PVALEF: variants seen among roughly 807,000 people sequenced by gnomAD.
PVALEF encodes parvalbumin like EF-hand containing, also known as parvalbumin-like EF-hand-containing protein.
In PVALEF, 2 loss-of-function variants were observed where a neutral mutation model predicts 1.2. The ratio of observed to expected loss-of-function variants is 1.68; its 90% CI spans 0.69 to 5.28. PVALEF has a LOEUF of 5.28. PVALEF is among the 30% of genes most tolerant of loss of function. The pLI is 0.06. For missense variants in PVALEF, 35 were observed against 17.7 expected (o/e 1.97, Z -1.75); for synonymous variants, 16 against 6.5 (o/e 2.47, Z -2.24).
At chr17:81,176,088 CA>C (rs1178468161) in intron 2 of PVALEF, among the ~76,000 whole-genome samples, 1 of 152,058 alleles carries the variant, frequency 6.6e-6, no homozygotes, top group African/African-American at 2.4e-5. Context: ...AACTTAATCA[CA>C]AATAAACAAA....
At position 81,177,342 on chromosome 17, in the gene PVALEF, G is replaced by A. The variant is rs1025748198; in HGVS notation, c.-339-1576G>A. 2.0e-5 allele frequency among the ~76,000 whole-genome samples: 3 copies of A among 150,734 alleles called. No homozygotes were observed. The South Asian group carries it at 6.3e-4, about 32-fold the overall frequency. ...GCAGGCAGATCACCTGAGGTCAGGA[G>A]TTCAAGACCAGCCTAGTCACCATGG... is the stretch of plus-strand genomic sequence containing the variant. On this transcript the variant is annotated intron_variant, in intron 2 of 6. Coordinates refer to ENST00000637878, the MANE Select transcript of PVALEF (RefSeq NM_001354639.2).
At chr17:81,167,102 G>A (rs1396310276) in intron 2 of PVALEF, among the ~76,000 whole-genome samples, 2 of 152,232 alleles carry the variant, frequency 1.3e-5, no homozygotes, top group Non-Finnish European at 2.9e-5. Context: ...AGACCAGCCT[G>A]GGCAACATAG....
chr17:81,177,248 A>G (rs796761654), intron 2 of PVALEF, among the ~76,000 whole-genome samples: 2 of 149,010 alleles, frequency 1.3e-5, no homozygotes, highest in African/African-American at 4.9e-5. Flanking sequence ...CTCAAAAAAA[A>G]AAAAAAAAAA....
intron 2 of PVALEF, among the ~76,000 whole-genome samples, chr17:81,168,318 C>T (rs1187897035): frequency 1.3e-5 from 2 of 152,194 alleles, no homozygotes; most frequent in African/African-American, 4.8e-5. Context: ...GGCTGGGCCA[C>T]AGCTCAGGGG....
intron 1 of PVALEF, chr17:81,166,113 C>T: frequency 2.1e-6 from 1 of 469,422 alleles, no homozygotes; most frequent in African/African-American, 2.2e-5. Flanking sequence ...CCGGCCCCCG[C>T]GCCCCGCGCC....
chr17:81,171,257 C>T (rs942654925), intron 2 of PVALEF, among the ~76,000 whole-genome samples: 4 of 152,266 alleles, frequency 2.6e-5, no homozygotes, highest in African/African-American at 4.8e-5. Context: ...CCGAAAGGGC[C>T]GCCCAGGGGA....
At chr17:81,166,474 C>T (rs2061492754) in intron 1 of PVALEF, among the ~76,000 whole-genome samples, 1 of 83,592 alleles carries the variant, frequency 1.2e-5, no homozygotes, top group African/African-American at 4.8e-5. Flanking sequence ...AGCACGGCGG[C>T]CTGGGGCTGA....
chr17:81,169,232 G>A (rs2061509576), intron 2 of PVALEF, among the ~76,000 whole-genome samples: 1 of 152,202 alleles, frequency 6.6e-6, no homozygotes, highest in South Asian at 2.1e-4. Context: ...TGGTGAAGAT[G>A]CTAAAACACT....
In PVALEF at chr17:81,165,997, GGGCCAGC is replaced by G. The variant is rs1437862906; in HGVS notation, c.-508+255_-508+261del. 5 of 1,566,276 alleles carry G rather than the reference GGGCCAGC, an allele frequency of 3.2e-6. No homozygotes were observed. The African/African-American group carries it at 7.0e-5, about 22-fold the overall frequency. On this transcript the variant is annotated intron_variant, in intron 1 of 6. Transcript: ENST00000637878. ...GTTGAAGAAGGACGACGACATGGCCGGGCCAGCGGCCGGCGGGCATCCCGGGAGGGCG... is the reference window on the plus strand; with the variant it reads ...GTTGAAGAAGGACGACGACATGGCCGGGCCGGCGGGCATCCCGGGAGGGCG...
intron 2 of PVALEF, among the ~76,000 whole-genome samples, chr17:81,176,294 G>A (rs1363830552): frequency 5.3e-5 from 8 of 152,118 alleles, no homozygotes; most frequent in South Asian, 2.1e-4. Context: ...CAAACTGGGC[G>A]GATCACCTGA....
intron 2 of PVALEF, among the ~76,000 whole-genome samples, chr17:81,171,841 G>A (rs1002270696): frequency 6.6e-6 from 1 of 152,060 alleles, no homozygotes; most frequent in Non-Finnish European, 1.5e-5. Context: ...AAATGAATCG[G>A]CTTGAAGTGA....
chr17:81,182,604 T>G (rs933496790), intron 6 of PVALEF, among the ~76,000 whole-genome samples: 6 of 152,186 alleles, frequency 3.9e-5, no homozygotes, highest in African/African-American at 1.4e-4. Flanking sequence ...GCCCCCCAGC[T>G]GCTCCGTGCC....
chr17:81,180,223 G>A (rs1381926152), intron 3 of PVALEF, among the ~76,000 whole-genome samples: 1 of 152,200 alleles, frequency 6.6e-6, no homozygotes, highest in Non-Finnish European at 1.5e-5. Context: ...TGGGCAGATG[G>A]GACATTGGTT....
Position 81,181,977 on chromosome 17 carries a change from C to A in PVALEF, c.254C>A (p.Ser85Tyr). 2.5e-6 allele frequency: 1 copy of A among 398,668 alleles called. No individual in the cohort carries two copies. Among genetic ancestry groups the A allele is most frequent in the Non-Finnish European group, 4.4e-6 (1 of 226,124 alleles). 24.7% of individuals were successfully genotyped at this position (398,668 alleles called of 1,614,324 possible). A position where few individuals can be genotyped will look rare whatever the true frequency, so the allele number is the denominator to read the frequency against. Residue 85 changes from serine (S) to tyrosine (Y), a missense_variant, in exon 6 of 7, where the codon TCC becomes TAC. Transcript: ENST00000637878. ...CCCCTTGGCCCCAGGTACATCCTGT[C>A]CATCATCCCCAGCAGCGGGCCCACC... ...IEWNEIKYILSIIPSSGPTTP... is the reference protein window; with the variant it reads ...IEWNEIKYILYIIPSSGPTTP...
chr17:81,178,295 C>A (rs934642061), intron 2 of PVALEF, among the ~76,000 whole-genome samples: 1 of 152,116 alleles, frequency 6.6e-6, no homozygotes, highest in African/African-American at 2.4e-5. Context: ...AAAGCCAGGC[C>A]CCCCCGACCC....
chr17:81,179,571 A>G (rs967109017), intron 3 of PVALEF, among the ~76,000 whole-genome samples: 2 of 152,066 alleles, frequency 1.3e-5, no homozygotes, highest in Admixed American at 6.5e-5. Context: ...CAGCGAGTCC[A>G]AGGCCTCTGG....
chr17:81,180,143 T>C (rs1397083927), intron 3 of PVALEF, among the ~76,000 whole-genome samples: 2 of 152,162 alleles, frequency 1.3e-5, no homozygotes, highest in Admixed American at 6.5e-5. Flanking sequence ...CCTGCCTTCG[T>C]TGGGGGCACC....
intron 1 of PVALEF, 166 bp downstream of exon 1, chr17:81,165,913 G>A (rs576676746): frequency 1.2e-5 from 19 of 1,567,334 alleles, no homozygotes; most frequent in African/African-American, 6.8e-5. Flanking sequence ...GCAGCGGCGC[G>A]CAGGCCGGGC....
intron 3 of PVALEF, among the ~76,000 whole-genome samples, chr17:81,180,144 T>C (rs1176888737): frequency 2.6e-5 from 4 of 152,078 alleles, no homozygotes; most frequent in Non-Finnish European, 5.9e-5. Context: ...CTGCCTTCGT[T>C]GGGGGCACCC....
Sources: gnomAD v4.1 joint callset for allele counts (sites outside exome capture counted in the v4.1 genomes callset) on GRCh38, gnomAD v4.1.1 for gene constraint, MANE v1.5 for transcripts, NCBI Gene and HGNC (gene_info 2026-07-23, HGNC 2026-07-21) for gene names.